NELL1: variants seen among roughly 807,000 people sequenced by gnomAD.
NELL1 encodes the protein protein kinase C-binding protein NELL1.
Under a neutral mutation model 107.4 loss-of-function variants are expected in NELL1, and 76 were observed. That is an observed-to-expected ratio of 0.71 (90% CI 0.59 to 0.86). NELL1 has a LOEUF of 0.86. Among genes scored for constraint, NELL1 ranks in the 40% least tolerant of loss-of-function variants. The pLI, the probability that NELL1 is intolerant of heterozygous loss-of-function variation, is 0.00. For synonymous variants in NELL1, 353 were observed against 341.2 expected (o/e 1.03, Z -0.38); for missense variants, 1,024 against 1,005.5 (o/e 1.02, Z -0.25).
chr11:20,740,333 T>A (rs986332023), intron 2 of NELL1, among the ~76,000 whole-genome samples: 1 of 152,210 alleles, frequency 6.6e-6, no homozygotes, highest in Admixed American at 6.5e-5. Flanking sequence ...GAAGACAGAC[T>A]GAGCAGTCCC....
At chr11:21,283,482 A>G (rs575741844) in intron 14 of NELL1, among the ~76,000 whole-genome samples, 2 of 152,336 alleles carry the variant, frequency 1.3e-5, no homozygotes, top group East Asian at 3.9e-4. Context: ...ACACTGCTCT[A>G]AAAATAAAGT....
intron 15 of NELL1, among the ~76,000 whole-genome samples, chr11:21,394,014 A>C (rs1022290307): frequency 2.0e-5 from 3 of 151,628 alleles, no homozygotes; most frequent in African/African-American, 7.2e-5. Flanking sequence ...ATGAAGTTAT[A>C]ATGGTAATTA....
intron 14 of NELL1, among the ~76,000 whole-genome samples, chr11:21,314,985 T>G (rs561989488): frequency 2.0e-5 from 3 of 152,156 alleles, no homozygotes; most frequent in Admixed American, 6.5e-5. Flanking sequence ...GCCTCCCAAA[T>G]AGCTGGGATT....
intron 16 of NELL1, among the ~76,000 whole-genome samples, chr11:21,545,236 G>A (rs1019196766): frequency 7.1e-6 from 1 of 140,312 alleles, no homozygotes; most frequent in African/African-American, 2.6e-5. Flanking sequence ...TTACGAGGTT[G>A]CTCTCCTTTC....
chr11:21,271,561 A>T (rs1332306460), intron 14 of NELL1, among the ~76,000 whole-genome samples: 1 of 152,228 alleles, frequency 6.6e-6, no homozygotes, highest in African/African-American at 2.4e-5. Context: ...GAAAGAAATT[A>T]TACAAATTCT....
chr11:21,373,248 T>G (rs536323343), intron 15 of NELL1, among the ~76,000 whole-genome samples: 5 of 152,152 alleles, frequency 3.3e-5, no homozygotes, highest in Admixed American at 6.6e-5. Context: ...CTAAATAAAT[T>G]ATAGGCTAAA....
chr11:21,346,697 T>A lies in NELL1; in HGVS notation c.1550-24156T>A, dbSNP rs1163181625. 4.0e-5 allele frequency among the ~76,000 whole-genome samples: 6 copies of A among 149,170 alleles called. No homozygotes were observed. In the East Asian group the frequency reaches 1.2e-3, roughly 29 times the overall value. ...TTAAATATATAATATATATGATATATAATGTGTGACTATTAATGAAGCATA... is the reference window on the plus strand; with the variant it reads ...TTAAATATATAATATATATGATATAAAATGTGTGACTATTAATGAAGCATA... On this transcript the variant is annotated intron_variant, in intron 14 of 19. Transcript: ENST00000357134.
At chr11:21,327,684 G>A (rs1246091163) in intron 14 of NELL1, among the ~76,000 whole-genome samples, 1 of 152,186 alleles carries the variant, frequency 6.6e-6, no homozygotes, top group African/African-American at 2.4e-5. Context: ...GGTCTCAGAA[G>A]AAGATAGAAA....
At chr11:20,670,385 C>G (rs1330279343) in intron 1 of NELL1, 1 of 152,442 alleles carries the variant, frequency 6.6e-6, no homozygotes, top group Non-Finnish European at 1.5e-5. Context: ...GCTGGGCGAA[C>G]AATTATCTGA....
At chr11:20,687,852 CA>C (rs1854347386) in intron 2 of NELL1, among the ~76,000 whole-genome samples, 1 of 152,048 alleles carries the variant, frequency 6.6e-6, no homozygotes, top group South Asian at 2.1e-4. Context: ...TTCGGCCTCC[CA>C]AAGTTCTGGG....
chr11:21,309,721 C>T (rs1399699298), intron 14 of NELL1, among the ~76,000 whole-genome samples: 1 of 151,894 alleles, frequency 6.6e-6, no homozygotes, highest in Non-Finnish European at 1.5e-5. Context: ...GAGTAAGTCA[C>T]GTCTTATATG....
At chr11:20,871,643 A>G (rs1422566198) in intron 4 of NELL1, among the ~76,000 whole-genome samples, 1 of 38,936 alleles carries the variant, frequency 2.6e-5, no homozygotes, top group Admixed American at 5.7e-4. Context: ...TTTTTTTTTT[A>G]TTCATGTAGA....
chr11:21,150,185 A>G (rs1856082503), intron 13 of NELL1, among the ~76,000 whole-genome samples: 1 of 152,150 alleles, frequency 6.6e-6, no homozygotes, highest in African/African-American at 2.4e-5. Context: ...TTGAACTGAA[A>G]GGAGGAAAGC....
chr11:20,961,071 C>A (rs1310846740), intron 12 of NELL1, among the ~76,000 whole-genome samples: 1 of 152,120 alleles, frequency 6.6e-6, no homozygotes, highest in Non-Finnish European at 1.5e-5. Flanking sequence ...TACTAAAAGT[C>A]ACAGTAATGG....
At chr11:21,383,224 G>A (rs1249700151) in intron 15 of NELL1, among the ~76,000 whole-genome samples, 1 of 151,926 alleles carries the variant, frequency 6.6e-6, no homozygotes, top group East Asian at 1.9e-4. Context: ...AAACAGCAAG[G>A]TCTATGCATT....
chr11:20,977,214 G>A (rs11025846), intron 12 of NELL1, among the ~76,000 whole-genome samples: 2 of 151,118 alleles, frequency 1.3e-5, no homozygotes, highest in African/African-American at 4.9e-5. Flanking sequence ...GAGGAAACTA[G>A]GGCCCAGAGA....
chr11:20,933,496 G>A (rs560680220), intron 9 of NELL1, among the ~76,000 whole-genome samples: 1 of 152,308 alleles, frequency 6.6e-6, no homozygotes, highest in East Asian at 1.9e-4. Flanking sequence ...TGATGTGGGT[G>A]TCTTGCTCAT....
At chr11:21,511,637 T>C (rs2133944988) in intron 15 of NELL1, among the ~76,000 whole-genome samples, 1 of 152,322 alleles carries the variant, frequency 6.6e-6, no homozygotes, top group African/African-American at 2.4e-5. Flanking sequence ...GAAAATTTTT[T>C]CAGACTGTGG....
At chr11:21,383,472 A>G (rs1417427918) in intron 15 of NELL1, among the ~76,000 whole-genome samples, 1 of 151,808 alleles carries the variant, frequency 6.6e-6, no homozygotes, top group Non-Finnish European at 1.5e-5. Flanking sequence ...CAACTTACAT[A>G]ATATCTAAAG....
Sources: allele counts gnomAD v4.1 joint callset (sites outside exome capture counted in the v4.1 genomes callset), GRCh38; gene constraint gnomAD v4.1.1; transcripts MANE v1.5; gene names NCBI Gene and HGNC (gene_info 2026-07-23, HGNC 2026-07-21).